The following ADRM1 variants were observed in gnomAD, a reference collection of about 807,000 sequenced individuals.
ADRM1 encodes the protein proteasomal ubiquitin receptor ADRM1.
A neutral mutation model predicts 40.1 loss-of-function variants in ADRM1; 2 were observed. The observed-to-expected ratio is 0.05, with a 90% CI of 0.02 to 0.16. The LOEUF (loss-of-function observed/expected upper bound fraction) is 0.16, where lower values mean the gene tolerates loss of function less well. ADRM1 is among the 10% of genes least tolerant of loss of function. The pLI, the probability that ADRM1 is intolerant of heterozygous loss-of-function variation, is 1.00. For missense variants in ADRM1, 467 were observed against 552.5 expected (o/e 0.85, Z 1.55); for synonymous variants, 287 against 240.4 (o/e 1.19, Z -1.79).
rs536213867 is a variant in ADRM1 at position 62,303,934 on chromosome 20, C to T, written c.213+153C>T. On this transcript the variant is annotated intron_variant, in intron 2 of 9. Transcript: ENST00000253003. ...TGCTGATGGGTCGTCCTGGTTTCCGCGGTGACAGGGGCATCTCGGCCACTG... is the reference window on the plus strand; with the variant it reads ...TGCTGATGGGTCGTCCTGGTTTCCGTGGTGACAGGGGCATCTCGGCCACTG... 4.6e-5 allele frequency among the ~76,000 whole-genome samples: 7 copies of T among 152,250 alleles called. No homozygotes were observed. In the South Asian group the frequency reaches 1.5e-3, roughly 32 times the overall value.
intron 4 of ADRM1, 143 bp from the exon 5 acceptor site, chr20:62,306,505 C>G (rs1984991489): frequency 7.9e-7 from 1 of 1,267,420 alleles, no homozygotes; most frequent in African/African-American, 1.5e-5. Context: ...GGGTCTGCAT[C>G]CCACCGTCGC....
At chr20:62,305,901 C>T in intron 3 of ADRM1, 1 of 369,486 alleles carries the variant, frequency 2.7e-6, no homozygotes, top group Non-Finnish European at 5.1e-6. Flanking sequence ...CTTGGTCTGG[C>T]AGCAGCTAAG....
chr20:62,306,138 G>A (rs951969938), intron 3 of ADRM1, 59 bp from the exon 4 acceptor site: 1 of 1,574,380 alleles, frequency 6.4e-7, no homozygotes, highest in East Asian at 2.3e-5. Flanking sequence ...GAGGATGGCT[G>A]TGGTGGCCCT....
intron 3 of ADRM1, 118 bp from the exon 4 acceptor site, chr20:62,306,079 A>T: frequency 7.2e-7 from 1 of 1,391,396 alleles, no homozygotes; most frequent in East Asian, 2.4e-5. Context: ...TTGTGTGGCC[A>T]GGCACACGCG....
intron 4 of ADRM1, 130 bp downstream of exon 4, chr20:62,306,450 G>A: frequency 1.3e-6 from 2 of 1,482,882 alleles, no homozygotes; most frequent in Non-Finnish European, 1.9e-6. Flanking sequence ...GAGACCCTGT[G>A]AGCTCCCTGG....
In ADRM1 at chr20:62,306,312, C is replaced by G. The variant is rs369505590; in HGVS notation, c.446C>G (p.Ala149Gly). ...GGAAGCAGCGGCCACGAACTCTCTG[C>G]GCTAGGCGGTAACTGTCACATGTGT... ...ASGSSGHELSALGGEGGLQSL... is the reference protein window; with the variant it reads ...ASGSSGHELSGLGGEGGLQSL... Residue 149 changes from alanine to glycine, a missense_variant, in exon 4 of 10, where the codon GCG becomes GGG. Ala to Gly is a moderately conservative substitution (Grantham distance 60). Coordinates refer to ENST00000253003, the MANE Select transcript of ADRM1 (RefSeq NM_007002.4). 5.6e-6 allele frequency: 9 copies of G among 1,612,668 alleles called. No homozygotes were observed. The African/African-American group carries it at 1.2e-4, about 22-fold the overall frequency.
chr20:62,304,229 G>T (rs1304831925), intron 2 of ADRM1: 2 of 549,740 alleles, frequency 3.6e-6, no homozygotes, highest in Admixed American at 3.1e-5. Flanking sequence ...CAGAAACCCC[G>T]TTGCCATCTG....
Position 62,304,454 on chromosome 20 carries a change from T to C in ADRM1, c.214-7T>C. ...GCCACTGACTCTCTCTTCCCCTGGC[T>C]TGCCAGGACTTGATCATCTTCCCTG... On this transcript the variant is annotated splice_polypyrimidine_tract_variant and splice_region_variant and intron_variant, in intron 2 of 9. Coordinates refer to ENST00000253003, the MANE Select transcript of ADRM1 (RefSeq NM_007002.4). 1 of 1,611,390 alleles carries C rather than the reference T, an allele frequency of 6.2e-7. No individual in the cohort carries two copies. The highest frequency in any genetic ancestry group is 8.5e-7 in the Non-Finnish European group (1 of 1,177,930).
At position 62,308,441 on chromosome 20, in the gene ADRM1, C is replaced by T. The variant is rs867704098; in HGVS notation, c.1088C>T (p.Ala363Val). 7 of 1,608,878 alleles carry T rather than the reference C, an allele frequency of 4.4e-6. No individual in the cohort carries two copies. Among genetic ancestry groups the T allele is most frequent in the African/African-American group, 4.0e-5 (3 of 74,934 alleles). The change falls in exon 9 of 10, where the codon GCA becomes GTA. Residue 363 changes from alanine to valine, a missense_variant. This residue lies in a region of ADRM1 where 418 missense variants were observed against 474.6 expected (regional missense o/e 0.88). Coordinates refer to ENST00000253003, the MANE Select transcript of ADRM1 (RefSeq NM_007002.4). ...GPLMCQFGLP[A>V]EAVEAANKGD... ...CTCATGTGCCAGTTCGGTCTGCCTG[C>T]AGAGGCTGTGGAGGCCGCCAACAAG...
rs1469157638 is a variant in ADRM1 at position 62,303,487 on chromosome 20, C to G, written c.-1-81C>G. On this transcript the variant is annotated intron_variant, in intron 1 of 9. Coordinates refer to ENST00000253003, the MANE Select transcript of ADRM1 (RefSeq NM_007002.4). ...GCTCTGGGCGCAGGCCCCCTGCTCG[C>G]AAACACCCCAGGGGGCGGGAGCTTG... is the stretch of plus-strand genomic sequence containing the variant. 4.2e-6 allele frequency: 6 copies of G among 1,421,490 alleles called. No individual in the cohort carries two copies. The East Asian group carries it at 1.1e-4, about 27-fold the overall frequency. The allele number at this position is 1,421,490 out of a possible 1,614,324, so 88.1% of individuals were successfully genotyped here. A position where few individuals can be genotyped will look rare whatever the true frequency, so the allele number is the denominator to read the frequency against.
Position 62,307,754 on chromosome 20 carries a change from C to T in ADRM1, c.782C>T (p.Pro261Leu). Residue 261 changes from proline to leucine, a missense_variant, in exon 7 of 10, where the codon CCC becomes CTC. Pro to Leu is a moderately conservative substitution (Grantham distance 98). Transcript: ENST00000253003. ...GASTAASPTQPIQLSDLQSIL... is the reference protein window; with the variant it reads ...GASTAASPTQLIQLSDLQSIL... ...AGCACAGCAGCCAGCCCGACCCAGC[C>T]CATCCAGCTGAGCGACCTCCAGAGC... is the stretch of plus-strand genomic sequence containing the variant. 1 of 1,612,016 alleles carries T rather than the reference C, an allele frequency of 6.2e-7. No individual in the cohort carries two copies. The highest frequency in any genetic ancestry group is 1.7e-5 in the Admixed American group (1 of 59,950).
intron 3 of ADRM1, chr20:62,305,919 G>A (rs545776764): frequency 2.6e-4 from 105 of 405,554 alleles, no homozygotes; most frequent in South Asian, 8.0e-4. Context: ...AAGTGCCTTC[G>A]GAGCTCTAGG....
At chr20:62,307,887 C>G (rs1381671754) in intron 7 of ADRM1, 59 bp downstream of exon 7, 2 of 1,555,948 alleles carry the variant, frequency 1.3e-6, no homozygotes, top group East Asian at 2.4e-5. Flanking sequence ...GACCCTCGCA[C>G]GCTCACCTTC....
At chr20:62,305,981 GC>G (rs1984883600) in intron 3 of ADRM1, 1 of 580,090 alleles carries the variant, frequency 1.7e-6, no homozygotes, top group South Asian at 2.1e-5. Context: ...CGGGATTGCG[GC>G]GGATGGGGAC....
Position 62,306,352 on chromosome 20 carries a change from G to T in ADRM1, c.454+32G>T, listed in dbSNP as rs752069695. ...GTCACATGTGTCACGTGAGCTCAGG[G>T]TTTCCTGGGAGGCCAGAGTCTACTG... On this transcript the variant is annotated intron_variant, in intron 4 of 9. Coordinates refer to ENST00000253003, the MANE Select transcript of ADRM1 (RefSeq NM_007002.4). 10 of 1,612,200 alleles carry T rather than the reference G, an allele frequency of 6.2e-6. No individual in the cohort carries two copies. The Admixed American group carries it at 1.2e-4, about 19-fold the overall frequency.
At chr20:62,306,453 C>CTCCCT in intron 4 of ADRM1, 133 bp downstream of exon 4, 1 of 1,459,276 alleles carries the variant, frequency 6.9e-7, no homozygotes, top group Non-Finnish European at 9.5e-7. Context: ...ACCCTGTGAG[C>CTCCCT]TCCCTGGGTC....
intron 8 of ADRM1, 62 bp downstream of exon 8, chr20:62,308,240 G>T: frequency 6.4e-7 from 1 of 1,551,900 alleles, no homozygotes; most frequent in South Asian, 1.2e-5. Flanking sequence ...GGGGGAGGAG[G>T]AGGCCCTGCC....
Position 62,307,630 on chromosome 20 carries a change from T to C in ADRM1, c.658T>C (p.Ser220Pro). 6.2e-7 allele frequency: 1 copy of C among 1,611,876 alleles called. No individual in the cohort carries two copies. The highest frequency in any genetic ancestry group is 8.5e-7 in the Non-Finnish European group (1 of 1,179,864). Residue 220 changes from serine (S) to proline (P), a missense_variant, in exon 7 of 10, where the codon TCC (serine) becomes CCC (proline). By Grantham distance (74) the Ser-to-Pro change is moderately conservative. Transcript: ENST00000253003. ...CCAGTCGGCAGCGGTCACCCCGTCATCCACCACCTCTTCCACCCGTGCCAC... is the reference window on the plus strand; with the variant it reads ...CCAGTCGGCAGCGGTCACCCCGTCACCCACCACCTCTTCCACCCGTGCCAC... ...RSQSAAVTPS[S>P]TTSSTRATPA...
chr20:62,303,966 T>C (rs979020436), intron 2 of ADRM1, among the ~76,000 whole-genome samples, 185 bp downstream of exon 2: 4 of 152,078 alleles, frequency 2.6e-5, no homozygotes, highest in Non-Finnish European at 5.9e-5. Flanking sequence ...ACTGTGTATC[T>C]TGAACTGTCC....
Sources: allele counts gnomAD v4.1 joint callset (sites outside exome capture counted in the v4.1 genomes callset), GRCh38; gene constraint gnomAD v4.1.1; regional missense constraint gnomAD v4.1.1; transcripts MANE v1.5; gene names NCBI Gene and HGNC (gene_info 2026-07-23, HGNC 2026-07-21).